Variants in AUH observed in about 807,000 individuals in gnomAD.
The protein encoded by AUH is AU RNA binding methylglutaconyl-CoA hydratase, also known as methylglutaconyl-CoA hydratase, mitochondrial.
AUH carries 29 observed loss-of-function variants against 42.3 expected under a neutral mutation model. That is an observed-to-expected ratio of 0.69 (90% CI 0.51 to 0.93). The LOEUF (loss-of-function observed/expected upper bound fraction) is 0.93. Among genes scored for constraint, AUH ranks in the 40% least tolerant of loss-of-function variants. AUH has a pLI of 0.00. For synonymous variants in AUH, 174 were observed against 166.4 expected, an observed-to-expected ratio of 1.05 and a Z score of -0.35; for missense variants, 452 against 438.1, an observed-to-expected ratio of 1.03 and a Z score of -0.28.
At chr9:91,353,854 C>G (rs1832197017) in intron 3 of AUH, among the ~76,000 whole-genome samples, 1 of 144,294 alleles carries the variant, frequency 6.9e-6, no homozygotes, top group Admixed American at 6.9e-5. Flanking sequence ...AAAGACAGAC[C>G]TACTGGTCAG....
chr9:91,329,028 C>CT (rs749149990), intron 3 of AUH, among the ~76,000 whole-genome samples: 3 of 152,088 alleles, frequency 2.0e-5, no homozygotes, highest in Non-Finnish European at 4.4e-5. Flanking sequence ...AATATGTGGT[C>CT]TTTTTTTGTC....
intron 3 of AUH, among the ~76,000 whole-genome samples, chr9:91,332,532 T>C (rs1001198953): frequency 3.9e-5 from 6 of 152,012 alleles, no homozygotes; most frequent in African/African-American, 1.5e-4. Flanking sequence ...AACAAACCTA[T>C]CCTTAAAAAG....
chr9:91,241,455 T>C (rs1828512429), intron 6 of AUH, among the ~76,000 whole-genome samples: 1 of 152,160 alleles, frequency 6.6e-6, no homozygotes, highest in African/African-American at 2.4e-5. Flanking sequence ...ACAAATGTAT[T>C]ATAAGGATTA....
At chr9:91,319,898 T>C (rs1209207810) in intron 4 of AUH, among the ~76,000 whole-genome samples, 1 of 152,158 alleles carries the variant, frequency 6.6e-6, no homozygotes, top group East Asian at 1.9e-4. Context: ...TGCAAGTTCC[T>C]CTCCTTCCTG....
At chr9:91,216,196 C>T (rs1431100759) in intron 8 of AUH, 90 bp from the exon 9 acceptor site, 4 of 1,227,258 alleles carry the variant, frequency 3.3e-6, no homozygotes, top group African/African-American at 1.5e-5. Flanking sequence ...AACCTTATCC[C>T]CAAAGCACCC....
intron 6 of AUH, among the ~76,000 whole-genome samples, chr9:91,279,754 C>T (rs1235924124): frequency 6.6e-6 from 1 of 152,182 alleles, no homozygotes; most frequent in Non-Finnish European, 1.5e-5. Flanking sequence ...ATTAACATGA[C>T]ATTTGGTGGA....
At chr9:91,232,593 C>T (rs377286538) in intron 6 of AUH, among the ~76,000 whole-genome samples, 2 of 152,294 alleles carry the variant, frequency 1.3e-5, no homozygotes, top group South Asian at 2.1e-4. Flanking sequence ...ACCTACATGA[C>T]GCTATGTCCA....
At chr9:91,338,898 G>C (rs1276316743) in intron 3 of AUH, among the ~76,000 whole-genome samples, 2 of 152,250 alleles carry the variant, frequency 1.3e-5, no homozygotes, top group African/African-American at 4.8e-5. Context: ...ATTAGAGGGA[G>C]GAAGTGGGTA....
chr9:91,216,704 CA>C (rs1457646544), intron 8 of AUH, among the ~76,000 whole-genome samples: 1 of 152,116 alleles, frequency 6.6e-6, no homozygotes, highest in East Asian at 1.9e-4. Flanking sequence ...ATAAGTTACC[CA>C]AAATATAATA....
At position 91,323,102 on chromosome 9, in the gene AUH, G is replaced by C. The variant is rs558187625; in HGVS notation, c.505+2216C>G. Among the ~76,000 whole-genome samples the C allele has an allele frequency of 5.6e-4, 85 of 152,242 alleles. 1 individual carries two copies. The highest frequency in any genetic ancestry group is 9.1e-4 in the Non-Finnish European group (62 of 68,010). On this transcript the variant is annotated intron_variant, in intron 4 of 9. Coordinates refer to ENST00000375731, the MANE Select transcript of AUH (RefSeq NM_001698.3). ...AAGGCACCCACCAAAGTCAAAGAAAGATAAGGATGATCACGCTCACCTTAA... is the reference window on the plus strand; with the variant it reads ...AAGGCACCCACCAAAGTCAAAGAAACATAAGGATGATCACGCTCACCTTAA...
chr9:91,231,270 C>T (rs1259074753), intron 6 of AUH, among the ~76,000 whole-genome samples: 3 of 152,116 alleles, frequency 2.0e-5, no homozygotes, highest in Non-Finnish European at 4.4e-5. Flanking sequence ...TTTTTAAGCC[C>T]GTCGGAAAAG....
chr9:91,260,709 A>AATATTCT (rs1261118600), intron 6 of AUH, among the ~76,000 whole-genome samples: 35 of 152,256 alleles, frequency 2.3e-4, no homozygotes, highest in African/African-American at 7.9e-4. Context: ...TACTTTTTAA[A>AATATTCT]ATATTCTTTC....
intron 6 of AUH, among the ~76,000 whole-genome samples, chr9:91,275,149 C>T (rs1461669974): frequency 6.6e-6 from 1 of 152,148 alleles, no homozygotes; most frequent in Non-Finnish European, 1.5e-5. Context: ...CTCCCAATGC[C>T]ACTATAAAAT....
At chr9:91,300,199 T>C (rs1254459323) in intron 4 of AUH, among the ~76,000 whole-genome samples, 1 of 152,068 alleles carries the variant, frequency 6.6e-6, no homozygotes, top group Non-Finnish European at 1.5e-5. Flanking sequence ...CTCAGCCTTC[T>C]TCCCCTCTCA....
intron 3 of AUH, among the ~76,000 whole-genome samples, chr9:91,335,109 T>C (rs188691526): frequency 2.2e-3 from 330 of 152,324 alleles, no homozygotes; most frequent in Non-Finnish European, 3.7e-3. Flanking sequence ...GACTCTCTTT[T>C]TCTATTTTCT....
chr9:91,350,167 C>T (rs1323858353), intron 3 of AUH, among the ~76,000 whole-genome samples: 1 of 152,318 alleles, frequency 6.6e-6, no homozygotes, highest in East Asian at 1.9e-4. Context: ...TAGAAACATC[C>T]ATTTTAATAC....
rs193251271 is a variant in AUH at position 91,321,030 on chromosome 9, T to A, written c.505+4288A>T. On this transcript the variant is annotated intron_variant, in intron 4 of 9. Coordinates refer to ENST00000375731, the MANE Select transcript of AUH (RefSeq NM_001698.3). ...TTAAGTGCATACAAGTTTAAGGGTATGTTTCTTGAAAAATTGAATCTTTTA... is the reference window on the plus strand; with the variant it reads ...TTAAGTGCATACAAGTTTAAGGGTAAGTTTCTTGAAAAATTGAATCTTTTA... 2.0e-5 allele frequency among the ~76,000 whole-genome samples: 3 copies of A among 152,336 alleles called. No homozygotes were observed. The East Asian group carries it at 5.8e-4, about 29-fold the overall frequency.
intron 4 of AUH, among the ~76,000 whole-genome samples, chr9:91,309,083 C>T (rs1168407632): frequency 1.3e-5 from 2 of 151,498 alleles, no homozygotes; most frequent in Non-Finnish European, 2.9e-5. Context: ...TGAGCCACGG[C>T]GCCTGGTCTT....
At chr9:91,272,664 A>G (rs1386020579) in intron 6 of AUH, among the ~76,000 whole-genome samples, 1 of 152,178 alleles carries the variant, frequency 6.6e-6, no homozygotes, top group African/African-American at 2.4e-5. Flanking sequence ...ATGGTCTAAC[A>G]TAGTATATAT....
Sources: gnomAD v4.1 joint callset for allele counts (sites outside exome capture counted in the v4.1 genomes callset) on GRCh38, gnomAD v4.1.1 for gene constraint, MANE v1.5 for transcripts, NCBI Gene and HGNC (gene_info 2026-07-23, HGNC 2026-07-21) for gene names.